The following EIF4E3 variants were observed in gnomAD, a reference collection of about 807,000 sequenced individuals.
The protein encoded by EIF4E3 is eukaryotic translation initiation factor 4E family member 3.
A neutral mutation model predicts 31.7 loss-of-function variants in EIF4E3; 26 were observed. That is an observed-to-expected ratio of 0.82 (90% CI 0.60 to 1.14). The LOEUF is 1.14. EIF4E3 is among the 50% of genes most tolerant of loss of function. EIF4E3 has a pLI of 0.00. For synonymous variants in EIF4E3, 128 were observed against 107.7 expected (o/e 1.19, Z -1.17); for missense variants, 304 against 270.9 (o/e 1.12, Z -0.86).
At chr3:71,690,893 A>G (rs569404594) in intron 5 of EIF4E3, among the ~76,000 whole-genome samples, 4 of 152,332 alleles carry the variant, frequency 2.6e-5, no homozygotes, top group Admixed American at 6.5e-5. Context: ...TCGTCCTTCA[A>G]TGAATGAACG....
chr3:71,712,637 G>GT (rs201099756), intron 1 of EIF4E3, among the ~76,000 whole-genome samples: 19 of 116,634 alleles, frequency 1.6e-4, no homozygotes, highest in African/African-American at 5.7e-4. Context: ...GCGGGGGGTG[G>GT]GCGGGGGAGA....
chr3:71,673,032 G>C (rs72628641), downstream of EIF4E3, among the ~76,000 whole-genome samples: 9,364 of 152,218 alleles, frequency 0.062, 828 homozygotes, highest in East Asian at 0.47. Flanking sequence ...CGTGCTTCTG[G>C]AATGAATAAT....
At chr3:71,722,395 AAAG>A (rs1559606665) in intron 1 of EIF4E3, among the ~76,000 whole-genome samples, 1 of 152,344 alleles carries the variant, frequency 6.6e-6, no homozygotes, top group East Asian at 1.9e-4. Flanking sequence ...TAAATGGCAC[AAAG>A]AAGAGGCCTG....
the EIF4E3 span, among the ~76,000 whole-genome samples, chr3:71,663,617 G>A: frequency 6.6e-6 from 1 of 152,218 alleles, no homozygotes; most frequent in Non-Finnish European, 1.5e-5. Flanking sequence ...AGATATTGGG[G>A]TGAGGACCCC....
rs1258409097 is a variant in EIF4E3 at position 71,676,760 on chromosome 3, AT to A, written c.*7921del. Reference sequence around the variant, plus strand: ...TGTTTGTTTTCAAAAAAAAAAAAAAATTCTGAAAAACAGTCTTGTCCTTTAT... The same window carrying A: ...TGTTTGTTTTCAAAAAAAAAAAAAAATCTGAAAAACAGTCTTGTCCTTTAT... On this transcript the variant is annotated 3_prime_UTR_variant, in exon 7 of 7. Coordinates refer to ENST00000425534, the MANE Select transcript of EIF4E3 (RefSeq NM_001134651.2). 6.6e-6 allele frequency: 1 copy of A among 152,030 alleles called. No homozygotes were observed. The highest frequency in any genetic ancestry group is 1.9e-4 in the East Asian group (1 of 5,200). 9.4% of individuals were successfully genotyped at this position (152,030 alleles called of 1,614,324 possible).
intron 1 of EIF4E3, among the ~76,000 whole-genome samples, chr3:71,741,923 C>G (rs1385418125): frequency 1.3e-5 from 2 of 151,876 alleles, no homozygotes; most frequent in East Asian, 3.9e-4. Flanking sequence ...ACTCATGGAT[C>G]AAAAAAGAAA....
chr3:71,754,484 C>T (rs1192059936), upstream of EIF4E3: 39 of 1,303,212 alleles, frequency 3.0e-5, no homozygotes, highest in Non-Finnish European at 3.4e-5. The surrounding 1 kb of genome is among the most constrained non-coding windows in gnomAD (Gnocchi z 5.8). Flanking sequence ...TGCTGGTGTG[C>T]GCCGCCTGGG....
Position 71,684,858 on chromosome 3 carries a change from T to C in EIF4E3, c.629-130A>G, listed in dbSNP as rs1243598553. ...GGCAAGAACTCAAACACCTTATTTA[T>C]TTATTTATTTTTTTGCCAGTAACTG... On this transcript the variant is annotated intron_variant, in intron 6 of 6. Transcript: ENST00000425534. The C allele has an allele frequency of 4.9e-6, 4 of 824,334 alleles. No individual in the cohort carries two copies. In the African/African-American group the frequency reaches 5.2e-5, roughly 11 times the overall value. The allele number at this position is 824,334 out of a possible 1,614,324, so 51.1% of individuals were successfully genotyped here.
At chr3:71,664,165 T>G in the EIF4E3 span, among the ~76,000 whole-genome samples, 142 of 152,294 alleles carry the variant, frequency 9.3e-4, no homozygotes, top group Non-Finnish European at 1.6e-3. Flanking sequence ...CAAGTCCCAG[T>G]CCACTGGCTT....
intron 2 of EIF4E3, among the ~76,000 whole-genome samples, chr3:71,700,639 C>T (rs113364811): frequency 1.3e-5 from 2 of 150,204 alleles, no homozygotes; most frequent in African/African-American, 4.9e-5. Context: ...AAAAATCAAC[C>T]CTGTCTTCTC....
At chr3:71,670,987 G>A (rs2048844632), downstream of EIF4E3, among the ~76,000 whole-genome samples, 1 of 152,124 alleles carries the variant, frequency 6.6e-6, no homozygotes, top group Admixed American at 6.5e-5. Flanking sequence ...CAAGCGCGGA[G>A]AATGGGTTTC....
rs777084712 is a variant in EIF4E3 at position 71,725,272 on chromosome 3, G to A, written c.96C>T (p.Leu32=). The A allele has an allele frequency of 7.8e-6, 8 of 1,029,072 alleles. No individual in the cohort carries two copies. Among genetic ancestry groups the A allele is most frequent in the Non-Finnish European group, 4.6e-6 (4 of 860,792 alleles). 63.7% of individuals were successfully genotyped at this position (1,029,072 alleles called of 1,614,324 possible). A position where few individuals can be genotyped will look rare whatever the true frequency, so the allele number is the denominator to read the frequency against. ...AAAAAAPEPP[L]GLQQLSALQP... Reference sequence around the variant, plus strand: ...GCAGCGCCGACAGCTGCTGCAGGCCGAGCGGCGGCTCGGGGGCGGCGGCAG... The same window carrying A: ...GCAGCGCCGACAGCTGCTGCAGGCCAAGCGGCGGCTCGGGGGCGGCGGCAG... Residue 32 remains leucine, a synonymous_variant, in exon 1 of 7, where the codon CTC becomes CTT. Transcript: ENST00000425534. The surrounding 1 kb of genome is among the most constrained non-coding windows in gnomAD (Gnocchi z 6.1).
At position 71,710,265 on chromosome 3, in the gene EIF4E3, G is replaced by A. The variant is rs930157808; in HGVS notation, c.249+147C>T. On this transcript the variant is annotated intron_variant, in intron 2 of 6. Transcript: ENST00000425534. The stretch of plus-strand genomic sequence containing the variant: ...CTGGCCCTGGAGCAGACTTGGTCAA[G>A]GGCAGCTGTGCCAACCTGGACCCGA... 1.3e-5 allele frequency: 11 copies of A among 844,794 alleles called. No homozygotes were observed. The African/African-American group carries it at 1.9e-4, about 14-fold the overall frequency. 52.3% of individuals were successfully genotyped at this position (844,794 alleles called of 1,614,324 possible). A position where few individuals can be genotyped will look rare whatever the true frequency, so the allele number is the denominator to read the frequency against.
intron 1 of EIF4E3, among the ~76,000 whole-genome samples, chr3:71,744,330 T>C (rs1211831132): frequency 2.6e-5 from 4 of 152,086 alleles, no homozygotes; most frequent in Admixed American, 2.6e-4. Flanking sequence ...AATAAGCACA[T>C]GAAAAAAATG....
At chr3:71,714,293 G>C (rs575978725) in intron 1 of EIF4E3, among the ~76,000 whole-genome samples, 2,167 of 113,576 alleles carry the variant, frequency 0.019, 26 homozygotes, top group African/African-American at 0.057. Flanking sequence ...AAGGAAGGAA[G>C]GAAGGAAGGA....
At chr3:71,696,055 A>C (rs993634459) in intron 4 of EIF4E3, among the ~76,000 whole-genome samples, 1 of 152,136 alleles carries the variant, frequency 6.6e-6, no homozygotes. Flanking sequence ...GGTCATTCTC[A>C]GAACTGCTTT....
chr3:71,689,866 A>C (rs928332757), intron 6 of EIF4E3, 144 bp downstream of exon 6: 11 of 835,978 alleles, frequency 1.3e-5, no homozygotes, highest in Middle Eastern at 4.1e-4. Flanking sequence ...AAAAAAAAAA[A>C]AACTTAAATG....
chr3:71,705,873 C>G (rs566609057), intron 2 of EIF4E3, among the ~76,000 whole-genome samples: 1 of 152,288 alleles, frequency 6.6e-6, no homozygotes, highest in African/African-American at 2.4e-5. Context: ...CGCAATCCTC[C>G]CACCTCAGCT....
intron 3 of EIF4E3, 119 bp downstream of exon 3, chr3:71,699,495 G>A: frequency 1.1e-6 from 1 of 888,434 alleles, no homozygotes; most frequent in Non-Finnish European, 1.8e-6. Context: ...GCCATGATTG[G>A]TATCACAGAC....
Sources: allele counts gnomAD v4.1 joint callset (sites outside exome capture counted in the v4.1 genomes callset), GRCh38; gene constraint gnomAD v4.1.1; non-coding constraint Gnocchi (gnomAD v3.1); transcripts MANE v1.5; gene names NCBI Gene and HGNC (gene_info 2026-07-23, HGNC 2026-07-21).